The following WDFY1 variants were observed in gnomAD, a reference collection of about 807,000 sequenced individuals.
WDFY1 encodes WD repeat and FYVE domain containing 1.
Under a neutral mutation model 56.4 loss-of-function variants are expected in WDFY1, and 32 were observed. That is an observed-to-expected ratio of 0.57 (90% CI 0.43 to 0.76). The LOEUF (loss-of-function observed/expected upper bound fraction) is 0.76, where lower values mean the gene tolerates loss of function less well. WDFY1 is among the 30% of genes least tolerant of loss of function. The pLI is 0.00. For missense variants in WDFY1, 480 were observed against 545.7 expected (o/e 0.88, Z 1.20); for synonymous variants, 192 against 197.3 (o/e 0.97, Z 0.23).
intron 3 of WDFY1, among the ~76,000 whole-genome samples, chr2:223,910,801 T>C (rs1693685573): frequency 6.6e-6 from 1 of 152,284 alleles, no homozygotes; most frequent in East Asian, 1.9e-4. Flanking sequence ...CCGGAAACCT[T>C]GCGTGTTGCT....
intron 3 of WDFY1, among the ~76,000 whole-genome samples, chr2:223,910,742 C>G (rs943121168): frequency 1.6e-4 from 25 of 151,960 alleles, no homozygotes; most frequent in African/African-American, 5.3e-4. Flanking sequence ...AAAAACAAAG[C>G]AAAACAAAAC....
At chr2:223,938,233 G>A (rs767608810) in intron 1 of WDFY1, among the ~76,000 whole-genome samples, 5 of 152,110 alleles carry the variant, frequency 3.3e-5, no homozygotes, top group Non-Finnish European at 7.4e-5. Flanking sequence ...GTATAAGTAC[G>A]TCCATCCACA....
At chr2:223,909,912 A>G (rs1693664067) in intron 3 of WDFY1, among the ~76,000 whole-genome samples, 2 of 152,166 alleles carry the variant, frequency 1.3e-5, no homozygotes, top group Non-Finnish European at 2.9e-5. Context: ...ACATCATGCT[A>G]TTCATCTGCT....
intron 1 of WDFY1, among the ~76,000 whole-genome samples, chr2:223,927,133 T>C (rs952777160): frequency 5.9e-5 from 9 of 152,326 alleles, no homozygotes; most frequent in African/African-American, 1.7e-4. Flanking sequence ...TAATTCTTAA[T>C]GGTCTTAGGA....
intron 3 of WDFY1, among the ~76,000 whole-genome samples, chr2:223,906,898 AC>A (rs1450579233): frequency 6.6e-6 from 1 of 151,872 alleles, no homozygotes; most frequent in African/African-American, 2.4e-5. Flanking sequence ...AAAAAAATCA[AC>A]CTCAACTAAA....
At chr2:223,922,069 T>A (rs1471222775) in intron 1 of WDFY1, among the ~76,000 whole-genome samples, 1 of 152,172 alleles carries the variant, frequency 6.6e-6, no homozygotes, top group East Asian at 1.9e-4. Context: ...CCTTAGCGCC[T>A]ATGACTCCCC....
rs991853764 is a variant in WDFY1, at chr2:223,877,174, G to A, written c.*1497C>T. 6.6e-6 allele frequency: 1 copy of A among 152,042 alleles called. No homozygotes were observed. Among genetic ancestry groups the A allele is most frequent in the Non-Finnish European group, 1.5e-5 (1 of 68,012 alleles). The allele number at this position is 152,042 out of a possible 1,614,324, so 9.4% of individuals were successfully genotyped here. A position where few individuals can be genotyped will look rare whatever the true frequency, so the allele number is the denominator to read the frequency against. ...GTCACACAGCCATTAAGACATTTTAGTTTGATCGCCTCCTTAAACCTTTCA... is the reference window on the plus strand; with the variant it reads ...GTCACACAGCCATTAAGACATTTTAATTTGATCGCCTCCTTAAACCTTTCA... On this transcript the variant is annotated 3_prime_UTR_variant, in exon 12 of 12. Coordinates refer to ENST00000233055, the MANE Select transcript of WDFY1 (RefSeq NM_020830.5).
intron 8 of WDFY1, among the ~76,000 whole-genome samples, chr2:223,891,870 C>G (rs1693284684): frequency 6.6e-6 from 1 of 152,164 alleles, no homozygotes; most frequent in Non-Finnish European, 1.5e-5. Flanking sequence ...GAGCCAAGAA[C>G]AGTTTACTAG....
At chr2:223,899,740 CTCTT>C (rs1693472108) in intron 5 of WDFY1, among the ~76,000 whole-genome samples, 1 of 151,652 alleles carries the variant, frequency 6.6e-6, no homozygotes, top group Non-Finnish European at 1.5e-5. Flanking sequence ...CAGTGCAAGA[CTCTT>C]TCTCAAAAAA....
chr2:223,893,401 A>ATGCC (rs1693311581), intron 8 of WDFY1, among the ~76,000 whole-genome samples: 1 of 151,766 alleles, frequency 6.6e-6, no homozygotes, highest in Non-Finnish European at 1.5e-5. Context: ...ATGGTAGTGT[A>ATGCC]TGCCTGTAGC....
At position 223,905,984 on chromosome 2, in the gene WDFY1, T is replaced by G. The variant is rs745701062; in HGVS notation, c.297A>C (p.Glu99Asp). 6 of 1,579,004 alleles carry G rather than the reference T, an allele frequency of 3.8e-6. No individual in the cohort carries two copies. Among genetic ancestry groups the G allele is most frequent in the Middle Eastern group, 3.4e-4 (2 of 5,954 alleles). Reference protein sequence around the residue: ...NGAVMEFHVSEDFNKMNFIKT... With the variant: ...NGAVMEFHVSDDFNKMNFIKT... The stretch of plus-strand genomic sequence containing the variant: ...TGATAAAGTTCATTTTATTAAAATC[T>G]TCAGAAACGTGAAATTCCTAAAAGC... The change falls in exon 4 of 12, where the codon GAA (glutamate) becomes GAC (aspartate). Residue 99 changes from glutamate to aspartate, a missense_variant. Glu to Asp is a conservative substitution (Grantham distance 45, BLOSUM62 2). Transcript: ENST00000233055.
At chr2:223,903,285 G>A (rs558624576) in intron 4 of WDFY1, among the ~76,000 whole-genome samples, 10 of 152,244 alleles carry the variant, frequency 6.6e-5, no homozygotes, top group African/African-American at 2.4e-4. Flanking sequence ...ATTTTGGGAG[G>A]CCGAGGCAGG....
intron 8 of WDFY1, among the ~76,000 whole-genome samples, chr2:223,886,429 T>C (rs1225856906): frequency 2.0e-5 from 3 of 151,042 alleles, no homozygotes; most frequent in Non-Finnish European, 2.9e-5. Flanking sequence ...ACAAACCTGC[T>C]AAAAGCCTGT....
chr2:223,907,913 G>A (rs1384126565), intron 3 of WDFY1, among the ~76,000 whole-genome samples: 2 of 151,092 alleles, frequency 1.3e-5, no homozygotes, highest in African/African-American at 4.9e-5. Context: ...AGGCTGGAGT[G>A]CAGTGGTGCA....
intron 1 of WDFY1, among the ~76,000 whole-genome samples, chr2:223,944,546 G>A (rs1315888705): frequency 6.6e-6 from 1 of 151,502 alleles, no homozygotes; most frequent in Non-Finnish European, 1.5e-5. Context: ...AGAGGTCCTG[G>A]GCTGGAGAGG....
rs537699310 is a variant in WDFY1 at position 223,918,843 on chromosome 2, C to T, written c.138-833G>A. 7.2e-5 allele frequency among the ~76,000 whole-genome samples: 11 copies of T among 152,242 alleles called. No homozygotes were observed. In the South Asian group the frequency reaches 1.7e-3, roughly 23 times the overall value. On this transcript the variant is annotated intron_variant, in intron 1 of 11. Coordinates refer to ENST00000233055, the MANE Select transcript of WDFY1 (RefSeq NM_020830.5). ...GCACACCAGGAGCACACAGCAGGCT[C>T]GGGCTTGGGCATGGCAATTCTGCCT...
chr2:223,923,041 G>A (rs1425846147), intron 1 of WDFY1, among the ~76,000 whole-genome samples: 6 of 152,082 alleles, frequency 3.9e-5, no homozygotes, highest in East Asian at 1.9e-4. Context: ...GAAAACTGTC[G>A]GTCACATCCC....
chr2:223,919,593 T>C (rs148760526), intron 1 of WDFY1, among the ~76,000 whole-genome samples: 65 of 152,264 alleles, frequency 4.3e-4, no homozygotes, highest in Middle Eastern at 6.8e-3. Context: ...CATAGCAGCC[T>C]TGACTTCCCA....
At chr2:223,899,823 G>A (rs529155787) in intron 5 of WDFY1, among the ~76,000 whole-genome samples, 5 of 152,242 alleles carry the variant, frequency 3.3e-5, no homozygotes, top group Non-Finnish European at 5.9e-5. Context: ...GCTCTGAAAC[G>A]TAATGGTTAT....
Sources: allele counts gnomAD v4.1 joint callset (sites outside exome capture counted in the v4.1 genomes callset), GRCh38; gene constraint gnomAD v4.1.1; transcripts MANE v1.5; gene names NCBI Gene and HGNC (gene_info 2026-07-23, HGNC 2026-07-21).